The following HIP1 variants were observed in gnomAD, a reference collection of about 807,000 sequenced individuals.
HIP1 encodes the protein huntingtin-interacting protein 1.
Under a neutral mutation model 147.6 loss-of-function variants are expected in HIP1, and 65 were observed. The ratio of observed to expected loss-of-function variants is 0.44; its 90% confidence interval spans 0.36 to 0.54. The LOEUF (loss-of-function observed/expected upper bound fraction) is 0.54. Among genes scored for constraint, HIP1 ranks in the 20% least tolerant of loss-of-function variants. The pLI, the probability that HIP1 is intolerant of heterozygous loss-of-function variation, is 0.00. For synonymous variants in HIP1, 479 were observed against 504.0 expected, an observed-to-expected ratio of 0.95 and a Z score of 0.67; for missense variants, 1,061 against 1,299.6, an observed-to-expected ratio of 0.82 and a Z score of 2.82.
chr7:75,581,980 G>T, intron 6 of HIP1, 95 bp downstream of exon 6: 1 of 1,013,638 alleles, frequency 9.9e-7, no homozygotes, highest in Non-Finnish European at 1.5e-6. Context: ...CCCAGCCACG[G>T]CCTCCCCCCA....
chr7:75,706,168 T>A (rs782283549), intron 1 of HIP1, among the ~76,000 whole-genome samples: 4 of 152,188 alleles, frequency 2.6e-5, no homozygotes, highest in Non-Finnish European at 5.9e-5. Context: ...GTGCTGGGAT[T>A]ACAGGAGTAA....
rs142660158 is a variant in HIP1 at position 75,568,227 on chromosome 7, G to A, written c.775C>T (p.Arg259Trp). ...CLPADTLQGH[R>W]DRFMEQFTKL... ...GTAAACTGCTCCATGAAGCGGTCCC[G>A]GTGGCCTTGCAGGGTGTCAGCTGGG... Residue 259 changes from arginine to tryptophan, a missense_variant, in exon 9 of 31, where the codon CGG (arginine) becomes TGG (tryptophan). Coordinates refer to ENST00000336926, the MANE Select transcript of HIP1 (RefSeq NM_005338.7). The surrounding 1 kb of genome is among the most constrained non-coding windows in gnomAD (Gnocchi z 4.1). 288 of 1,613,196 alleles carry A rather than the reference G, an allele frequency of 1.8e-4. No homozygotes were observed. In the African/African-American group the frequency reaches 3.0e-3, roughly 17 times the overall value.
At chr7:75,664,328 G>GTGTGTATGTATA (rs1554514246) in intron 1 of HIP1, among the ~76,000 whole-genome samples, 1 of 137,656 alleles carries the variant, frequency 7.3e-6, no homozygotes, top group African/African-American at 2.8e-5. Context: ...ACATACACAT[G>GTGTGTATGTATA]CATATATATG....
At chr7:75,736,349 T>C (rs1802020483) in intron 1 of HIP1, among the ~76,000 whole-genome samples, 1 of 152,082 alleles carries the variant, frequency 6.6e-6, no homozygotes. Context: ...CTCTAGTTTT[T>C]ACTTATTTGA....
intron 1 of HIP1, among the ~76,000 whole-genome samples, chr7:75,713,768 C>T (rs1204223366): frequency 3.3e-5 from 5 of 150,642 alleles, no homozygotes; most frequent in Non-Finnish European, 5.9e-5. Flanking sequence ...ATGATCTTGG[C>T]TCACTGCAAC....
At chr7:75,705,472 A>T (rs1053761704) in intron 1 of HIP1, among the ~76,000 whole-genome samples, 3 of 150,332 alleles carry the variant, frequency 2.0e-5, no homozygotes, top group Non-Finnish European at 4.4e-5. Context: ...AGTTCAAGTG[A>T]TTCTCCTGCC....
chr7:75,728,787 C>CAAAAA (rs782634244), intron 1 of HIP1, among the ~76,000 whole-genome samples: 1 of 62,756 alleles, frequency 1.6e-5, no homozygotes, highest in South Asian at 5.3e-4. Context: ...GACTCTGTCT[C>CAAAAA]AAAAAAAAAA....
intron 1 of HIP1, among the ~76,000 whole-genome samples, chr7:75,610,369 C>T (rs1457123716): frequency 2.6e-5 from 4 of 151,566 alleles, no homozygotes; most frequent in Non-Finnish European, 4.4e-5. Context: ...GCCACCACAC[C>T]CAGCTAATTT....
intron 4 of HIP1, among the ~76,000 whole-genome samples, chr7:75,591,714 G>A (rs1172135600): frequency 5.8e-5 from 8 of 138,112 alleles, no homozygotes; most frequent in Non-Finnish European, 1.1e-4. Context: ...GCAAGACCCC[G>A]TCTCTACCAA....
chr7:75,533,437 C>G lies in HIP1; in HGVS notation c.*4735G>C, dbSNP rs587772547. The G allele has an allele frequency of 4.3e-6, 1 of 231,848 alleles. No homozygotes were observed. Among genetic ancestry groups the G allele is most frequent in the East Asian group, 6.1e-5 (1 of 16,358 alleles). The allele number at this position is 231,848 out of a possible 1,614,324, so 14.4% of individuals were successfully genotyped here. On this transcript the variant is annotated 3_prime_UTR_variant, in exon 31 of 31. Transcript: ENST00000336926. The stretch of plus-strand genomic sequence containing the variant: ...GCCACCTGCCCTGGGAAGGTAGGCA[C>G]TCAGTGAAAAATGAAATTCATTTCA...
rs1197771189 is a variant in HIP1 at position 75,536,147 on chromosome 7, C to T, written c.*2025G>A. The T allele has an allele frequency of 2.5e-5, 5 of 199,930 alleles. No homozygotes were observed. The Admixed American group carries it at 3.0e-4, about 12-fold the overall frequency. 12.4% of individuals were successfully genotyped at this position (199,930 alleles called of 1,614,324 possible). A position where few individuals can be genotyped will look rare whatever the true frequency, so the allele number is the denominator to read the frequency against. ...GTTGCCACAACTGGGACAGGGAAGC[C>T]ACGCACCATTCCTTCTGAGCCTTGA... On this transcript the variant is annotated 3_prime_UTR_variant, in exon 31 of 31. Coordinates refer to ENST00000336926, the MANE Select transcript of HIP1 (RefSeq NM_005338.7).
At chr7:75,566,375 G>A (rs1261121585) in intron 9 of HIP1, among the ~76,000 whole-genome samples, 1 of 151,524 alleles carries the variant, frequency 6.6e-6, no homozygotes, top group Non-Finnish European at 1.5e-5. Flanking sequence ...CGGAGGTCCT[G>A]TTCCTTGCAG....
intron 1 of HIP1, among the ~76,000 whole-genome samples, chr7:75,599,629 C>T (rs797031629): frequency 4.6e-5 from 7 of 152,238 alleles, no homozygotes; most frequent in South Asian, 2.1e-4. Flanking sequence ...AGGGAGCGAC[C>T]GTGGCCCAAG....
At chr7:75,717,921 G>A (rs1801372833) in intron 1 of HIP1, among the ~76,000 whole-genome samples, 1 of 151,334 alleles carries the variant, frequency 6.6e-6, no homozygotes, top group Non-Finnish European at 1.5e-5. Flanking sequence ...AGTGAGCTGA[G>A]ATCACGCCAC....
At chr7:75,664,567 T>C (rs1799497904) in intron 1 of HIP1, among the ~76,000 whole-genome samples, 1 of 150,136 alleles carries the variant, frequency 6.7e-6, no homozygotes, top group South Asian at 2.1e-4. Context: ...TGTGTATGTA[T>C]ACGTATACAT....
intron 1 of HIP1, among the ~76,000 whole-genome samples, chr7:75,647,177 C>T (rs1279080411): frequency 1.6e-5 from 2 of 125,546 alleles, no homozygotes; most frequent in Non-Finnish European, 1.6e-5. Context: ...ACCAGCCTGG[C>T]CAATATGGCG....
chr7:75,553,303 G>T, intron 22 of HIP1, 150 bp downstream of exon 22: 1 of 1,000,744 alleles, frequency 1.0e-6, no homozygotes, highest in Non-Finnish European at 1.5e-6. Flanking sequence ...ACTGCACCCG[G>T]CCAGATTTTC....
At chr7:75,694,986 A>T (rs528754803) in intron 1 of HIP1, among the ~76,000 whole-genome samples, 1 of 152,084 alleles carries the variant, frequency 6.6e-6, no homozygotes, top group Non-Finnish European at 1.5e-5. Flanking sequence ...TGAGAAAACT[A>T]TGGAAAAGTT....
chr7:75,677,142 C>T (rs1433831083), intron 1 of HIP1, among the ~76,000 whole-genome samples: 5 of 151,582 alleles, frequency 3.3e-5, no homozygotes, highest in Non-Finnish European at 7.4e-5. Flanking sequence ...TTGCAGTGGG[C>T]CGAGATCGTG....
Sources: gnomAD v4.1 joint callset for allele counts (sites outside exome capture counted in the v4.1 genomes callset) on GRCh38, gnomAD v4.1.1 for gene constraint, Gnocchi (gnomAD v3.1) non-coding constraint, MANE v1.5 for transcripts, NCBI Gene and HGNC (gene_info 2026-07-23, HGNC 2026-07-21) for gene names.